ANKRD52: variants seen among roughly 807,000 people sequenced by gnomAD.
The protein encoded by ANKRD52 is ankyrin repeat domain 52, also known as serine/threonine-protein phosphatase 6 regulatory ankyrin repeat subunit C.
Under a neutral mutation model 116.0 loss-of-function variants are expected in ANKRD52, and 7 were observed. That is an observed-to-expected ratio of 0.06 (90% CI 0.03 to 0.11). The LOEUF is 0.11. Ranked by LOEUF, ANKRD52 falls within the 10% of genes least tolerant of loss-of-function variation. The probability of loss-of-function intolerance (pLI) is 1.00; values close to 1 mark genes in which losing one functional copy is unlikely to be tolerated. For synonymous variants in ANKRD52, 528 were observed against 578.1 expected, an observed-to-expected ratio of 0.91 and a Z score of 1.24; for missense variants, 839 against 1,408.6, an observed-to-expected ratio of 0.60 and a Z score of 6.47.
chr12:56,253,586 G>T lies in ANKRD52; in HGVS notation c.985+136C>A. 9.7e-7 allele frequency: 1 copy of T among 1,026,050 alleles called. No individual in the cohort carries two copies. The highest frequency in any genetic ancestry group is 1.4e-6 in the Non-Finnish European group (1 of 693,076). 63.6% of individuals were successfully genotyped at this position (1,026,050 alleles called of 1,614,324 possible). ...GGGCAGAGCAGGGCCATTTCCACAG[G>T]TCCCTTGGTCAGAGTTCCAAGGGCC... On this transcript the variant is annotated intron_variant, in intron 9 of 27. Transcript: ENST00000267116. The surrounding 1 kb of genome is among the most constrained non-coding windows in gnomAD (Gnocchi z 5.5).
In ANKRD52 at chr12:56,254,754, A is replaced by G; in HGVS notation, c.551-34T>C. On this transcript the variant is annotated intron_variant, in intron 6 of 27. Transcript: ENST00000267116. The surrounding 1 kb of genome is among the most constrained non-coding windows in gnomAD (Gnocchi z 4.6). ...AGAGAAGACACTCTAAAGGAAGTAG[A>G]AGGTAAACTCTAAGACCCTACACTC... The G allele has an allele frequency of 6.2e-7, 1 of 1,600,742 alleles. No homozygotes were observed. The highest frequency in any genetic ancestry group is 1.1e-5 in the South Asian group (1 of 90,756).
Position 56,252,581 on chromosome 12 carries a change from G to A in ANKRD52, c.1302-11C>T, listed in dbSNP as rs772422214. ...AGACATTCAACATTCCTAAAAGAAA[G>A]ATGTGTTAAGAGAGTTACAGCCTCA... On this transcript the variant is annotated splice_polypyrimidine_tract_variant and intron_variant, in intron 12 of 27. Transcript: ENST00000267116. The surrounding 1 kb of genome is among the most constrained non-coding windows in gnomAD (Gnocchi z 4.7). The A allele has an allele frequency of 3.1e-6, 5 of 1,613,314 alleles. No homozygotes were observed. Among genetic ancestry groups the A allele is most frequent in the Admixed American group, 1.7e-5 (1 of 60,022 alleles).
Position 56,255,976 on chromosome 12 carries a change from C to A in ANKRD52, c.270G>T (p.Leu90=). The change falls in exon 5 of 28, where the codon CTG becomes CTT. Residue 90 remains leucine (L), a synonymous_variant. Transcript: ENST00000267116. This position sits in a 1 kb window ranked among gnomAD's most constrained non-coding sequence, Gnocchi z 4.3. ...CTGCTGAATGTGCCAGCAGCAGCCCCAGCACCTTCTGTTGAGGGGCAGGGG... is the reference window on the plus strand; with the variant it reads ...CTGCTGAATGTGCCAGCAGCAGCCCAAGCACCTTCTGTTGAGGGGCAGGGG... The part of the protein sequence containing the change: ...RAAASRNEKV[L]GLLLAHSADV... The A allele has an allele frequency of 6.4e-7, 1 of 1,566,696 alleles. No individual in the cohort carries two copies. The highest frequency in any genetic ancestry group is 8.7e-7 in the Non-Finnish European group (1 of 1,153,680).
chr12:56,249,762 G>A (rs1316873086), intron 15 of ANKRD52, among the ~76,000 whole-genome samples: 3 of 152,242 alleles, frequency 2.0e-5, no homozygotes, highest in African/African-American at 7.2e-5. Flanking sequence ...AAATTAGGCT[G>A]GGCGTGGTGG....
intron 22 of ANKRD52, 46 bp from the exon 23 acceptor site, chr12:56,245,035 A>T: frequency 6.2e-7 from 1 of 1,612,982 alleles, no homozygotes; most frequent in Non-Finnish European, 8.5e-7. Flanking sequence ...CAAGGGAAGT[A>T]GACTACCTGT....
Position 56,244,567 on chromosome 12 carries a change from C to T in ANKRD52, c.2722+85G>A. The T allele has an allele frequency of 3.7e-6, 6 of 1,602,732 alleles. 1 individual carries two copies. The South Asian group carries it at 5.6e-5, about 15-fold the overall frequency. Reference sequence around the variant, plus strand: ...ACCCTCTTGCTTTCTGAACCCCAGCCCCAGCCAGCCTCCACAGGCAGGGCT... The same window carrying T: ...ACCCTCTTGCTTTCTGAACCCCAGCTCCAGCCAGCCTCCACAGGCAGGGCT... On this transcript the variant is annotated intron_variant, in intron 24 of 27. Coordinates refer to ENST00000267116, the MANE Select transcript of ANKRD52 (RefSeq NM_173595.4). This position sits in a 1 kb window ranked among gnomAD's most constrained non-coding sequence, Gnocchi z 4.9.
chr12:56,244,088 G>A lies in ANKRD52; in HGVS notation c.2851C>T (p.Leu951Phe). ...CTGTTGGTAGCATTGATAAGGCCAA[G>A]GTCTTGGGTTTCTGCCAGGATCATG... ...ALMILAETQD[L>F]GLINATNSAL... Residue 951 changes from leucine (L) to phenylalanine (F), a missense_variant, in exon 26 of 28, where the codon CTT becomes TTT. This residue lies in a region of ANKRD52 where 552 missense variants were observed against 810.6 expected (regional missense o/e 0.68). Transcript: ENST00000267116. The surrounding 1 kb of genome is among the most constrained non-coding windows in gnomAD (Gnocchi z 4.9). The A allele has an allele frequency of 6.2e-7, 1 of 1,614,000 alleles. No individual in the cohort carries two copies. Among genetic ancestry groups the A allele is most frequent in the Non-Finnish European group, 8.5e-7 (1 of 1,179,904 alleles).
chr12:56,238,629 C>G lies in ANKRD52; in HGVS notation c.*4513G>C, dbSNP rs1318101808. 1 of 151,310 alleles carries G rather than the reference C, an allele frequency of 6.6e-6. No individual in the cohort carries two copies. The highest frequency in any genetic ancestry group is 1.5e-5 in the Non-Finnish European group (1 of 67,802). The allele number at this position is 151,310 out of a possible 1,614,324, so 9.4% of individuals were successfully genotyped here. On this transcript the variant is annotated 3_prime_UTR_variant, in exon 28 of 28. Transcript: ENST00000267116. ...ACAGCAGCGAGAGTAGGCACCCTCCCTTCCCAGGCTTCTGTGGCCTGGAGC... is the reference window on the plus strand; with the variant it reads ...ACAGCAGCGAGAGTAGGCACCCTCCGTTCCCAGGCTTCTGTGGCCTGGAGC...
chr12:56,252,110 G>A lies in ANKRD52; in HGVS notation c.1512-15C>T, dbSNP rs1210580380. ...GGGGTTCCGCTCTGGGGAAGAGAGA[G>A]AGAAAGTTAGGGCCAGGCTCAGGGA... is the stretch of plus-strand genomic sequence containing the variant. On this transcript the variant is annotated splice_polypyrimidine_tract_variant and intron_variant, in intron 14 of 27. Transcript: ENST00000267116. The surrounding 1 kb of genome is among the most constrained non-coding windows in gnomAD (Gnocchi z 4.7). 1 of 1,613,988 alleles carries A rather than the reference G, an allele frequency of 6.2e-7. No individual in the cohort carries two copies. The highest frequency in any genetic ancestry group is 1.3e-5 in the African/African-American group (1 of 75,054).
In ANKRD52 at chr12:56,246,758, A is replaced by G. The variant is rs539053033; in HGVS notation, c.2184+735T>C. Among the ~76,000 whole-genome samples the G allele has an allele frequency of 7.9e-5, 12 of 151,820 alleles. No homozygotes were observed. In the South Asian group the frequency reaches 2.3e-3, roughly 29 times the overall value. ...AACACGGTGAAACCCTGTCTCTACT[A>G]AAAATACAAAAATTAGCCAGGCGTG... On this transcript the variant is annotated intron_variant, in intron 20 of 27. Transcript: ENST00000267116.
In ANKRD52 at chr12:56,238,748, C is replaced by T. The variant is rs537244896; in HGVS notation, c.*4394G>A. ...CTCAAGCCAGAACCCACCCCCACCC[C>T]CCAAACACACATACAAAGCTGAGCT... On this transcript the variant is annotated 3_prime_UTR_variant, in exon 28 of 28. Transcript: ENST00000267116. The T allele has an allele frequency of 6.6e-6, 1 of 152,570 alleles. No homozygotes were observed. Among genetic ancestry groups the T allele is most frequent in the Non-Finnish European group, 1.5e-5 (1 of 68,278 alleles). The allele number at this position is 152,570 out of a possible 1,614,324, so 9.5% of individuals were successfully genotyped here.
At chr12:56,246,639 TG>T (rs1018508626) in intron 20 of ANKRD52, among the ~76,000 whole-genome samples, 1 of 151,766 alleles carries the variant, frequency 6.6e-6, no homozygotes, top group African/African-American at 2.4e-5. Flanking sequence ...GCACAGATAT[TG>T]GCCAGGCACA....
chr12:56,257,389 A>G, intron 2 of ANKRD52, 28 bp from the exon 3 acceptor site: 1 of 1,555,520 alleles, frequency 6.4e-7, no homozygotes. Context: ...AGCAGGGAGT[A>G]TGGGCGCGGG....
chr12:56,256,871 G>A (rs1871978457), intron 4 of ANKRD52, 144 bp downstream of exon 4: 1 of 844,098 alleles, frequency 1.2e-6, no homozygotes, highest in African/African-American at 1.7e-5. Flanking sequence ...TCTAGGGGTA[G>A]GAGGAAGGGG....
At position 56,248,465 on chromosome 12, in the gene ANKRD52, A is replaced by C. The variant is rs1191204630; in HGVS notation, c.1776+30T>G. The C allele has an allele frequency of 6.4e-7, 1 of 1,573,206 alleles. No homozygotes were observed. Among genetic ancestry groups the C allele is most frequent in the Non-Finnish European group, 8.6e-7 (1 of 1,158,080 alleles). On this transcript the variant is annotated intron_variant, in intron 17 of 27. Transcript: ENST00000267116. This position sits in a 1 kb window ranked among gnomAD's most constrained non-coding sequence, Gnocchi z 5.1. ...GGGCCTGGGAACAGGTAGGACAAGG[A>C]AGGCAACAGAAAAAAGACGTGGGAC...
rs773361500 is a variant in ANKRD52, at chr12:56,254,641, G to A, written c.630C>T (p.Leu210=). 1.9e-6 allele frequency: 3 copies of A among 1,613,832 alleles called. No individual in the cohort carries two copies. Among genetic ancestry groups the A allele is most frequent in the Admixed American group, 3.3e-5 (2 of 59,992 alleles). ...TCTGGCCACTGGCAGCAGCTGTATG[G>A]AGCAGCCCATAGCCCTTGCGGTCCT... is the stretch of plus-strand genomic sequence containing the variant. ...GCKDRKGYGL[L]HTAAASGQIE... is the part of the protein sequence containing the mutation. Residue 210 remains leucine, a synonymous_variant, in exon 7 of 28, where the codon CTC becomes CTT. Coordinates refer to ENST00000267116, the MANE Select transcript of ANKRD52 (RefSeq NM_173595.4). The surrounding 1 kb of genome is among the most constrained non-coding windows in gnomAD (Gnocchi z 4.6).
At chr12:56,246,364 C>T (rs1871400578) in intron 20 of ANKRD52, among the ~76,000 whole-genome samples, 1 of 152,188 alleles carries the variant, frequency 6.6e-6, no homozygotes, top group Admixed American at 6.6e-5. Context: ...TAGGGACCCA[C>T]ATCTCCCTCC....
chr12:56,251,961 A>C, intron 15 of ANKRD52, 54 bp downstream of exon 15: 3 of 1,575,396 alleles, frequency 1.9e-6, no homozygotes, highest in Non-Finnish European at 2.6e-6. Context: ...CAGTAGGGCC[A>C]GAGCTTGCAT....
Position 56,238,208 on chromosome 12 carries a change from T to C in ANKRD52, c.*4934A>G. ...TGCTTAGAGAAAGATTCCACTAGAA[T>C]CCAGTGAATTGTGCTCAGTTCTCTT... On this transcript the variant is annotated 3_prime_UTR_variant, in exon 28 of 28. Coordinates refer to ENST00000267116, the MANE Select transcript of ANKRD52 (RefSeq NM_173595.4). 6.3e-6 allele frequency: 1 copy of C among 157,534 alleles called. No individual in the cohort carries two copies. Among genetic ancestry groups the C allele is most frequent in the Non-Finnish European group, 1.4e-5 (1 of 71,704 alleles). 9.8% of individuals were successfully genotyped at this position (157,534 alleles called of 1,614,324 possible).
Sources: gnomAD v4.1 joint callset for allele counts (sites outside exome capture counted in the v4.1 genomes callset) on GRCh38, gnomAD v4.1.1 for gene constraint, gnomAD v4.1.1 regional missense constraint, Gnocchi (gnomAD v3.1) non-coding constraint, MANE v1.5 for transcripts, NCBI Gene and HGNC (gene_info 2026-07-23, HGNC 2026-07-21) for gene names.